The following RAB3C variants were observed in gnomAD, a reference collection of about 807,000 sequenced individuals.
The protein encoded by RAB3C is ras-related protein Rab-3C.
Under a neutral mutation model 26.4 loss-of-function variants are expected in RAB3C, and 17 were observed. The ratio of observed to expected loss-of-function variants is 0.64; its 90% CI spans 0.44 to 0.97. The LOEUF is 0.97. Among genes scored for constraint, RAB3C ranks in the 50% least tolerant of loss-of-function variants. The probability of loss-of-function intolerance (pLI) is 0.00; values close to 1 mark genes in which losing one functional copy is unlikely to be tolerated. For synonymous variants in RAB3C, 91 were observed against 95.9 expected, an observed-to-expected ratio of 0.95 and a Z score of 0.30; for missense variants, 242 against 281.9, an observed-to-expected ratio of 0.86 and a Z score of 1.01.
intron 2 of RAB3C, among the ~76,000 whole-genome samples, chr5:58,710,533 A>C (rs545415782): frequency 6.6e-6 from 1 of 152,004 alleles, no homozygotes; most frequent in East Asian, 1.9e-4. Context: ...TGGGAGGCGG[A>C]GGTTGCAGTG....
chr5:58,745,966 A>G (rs1741394619), intron 3 of RAB3C, among the ~76,000 whole-genome samples: 1 of 152,224 alleles, frequency 6.6e-6, no homozygotes, highest in Admixed American at 6.5e-5. Flanking sequence ...ATCTTATCCT[A>G]CATAAATACC....
chr5:58,617,137 C>A (rs80248658), intron 1 of RAB3C, among the ~76,000 whole-genome samples: 2,696 of 152,036 alleles, frequency 0.018, 75 homozygotes, highest in African/African-American at 0.061. Flanking sequence ...AGACACTGCC[C>A]TTTATGTTAG....
chr5:58,610,449 G>A (rs994485774), intron 1 of RAB3C, among the ~76,000 whole-genome samples: 17 of 151,840 alleles, frequency 1.1e-4, no homozygotes, highest in Admixed American at 3.3e-4. Flanking sequence ...TGTTATAATA[G>A]GTATACAGTG....
chr5:58,849,756 G>C (rs1283886872), intron 4 of RAB3C, among the ~76,000 whole-genome samples: 2 of 152,190 alleles, frequency 1.3e-5, no homozygotes, highest in Admixed American at 1.3e-4. Flanking sequence ...GAACCAAATA[G>C]TATAACGACT....
intron 2 of RAB3C, among the ~76,000 whole-genome samples, chr5:58,628,881 G>C (rs1747124687): frequency 6.6e-6 from 1 of 151,960 alleles, no homozygotes; most frequent in Non-Finnish European, 1.5e-5. Flanking sequence ...TCCTCCAAAA[G>C]ATAAGTCAAT....
intron 2 of RAB3C, among the ~76,000 whole-genome samples, chr5:58,699,449 C>G (rs796347407): frequency 1.2e-4 from 19 of 152,316 alleles, no homozygotes; most frequent in African/African-American, 4.6e-4. Flanking sequence ...AGCAGTCTGT[C>G]TATTCTTAAC....
At chr5:58,777,302 T>C (rs940792234) in intron 3 of RAB3C, among the ~76,000 whole-genome samples, 2 of 152,144 alleles carry the variant, frequency 1.3e-5, no homozygotes, top group Non-Finnish European at 1.5e-5. Flanking sequence ...CTGTATGCTA[T>C]GCACCAAACT....
intron 4 of RAB3C, among the ~76,000 whole-genome samples, chr5:58,849,108 C>T (rs295665): frequency 0.52 from 79,257 of 151,994 alleles, 21,186 homozygotes; most frequent in Middle Eastern, 0.68. Flanking sequence ...TTGATAAAAC[C>T]TTGTGTGGAT....
intron 2 of RAB3C, among the ~76,000 whole-genome samples, chr5:58,711,741 A>T (rs936441998): frequency 6.6e-6 from 1 of 152,162 alleles, no homozygotes; most frequent in Non-Finnish European, 1.5e-5. Flanking sequence ...AACTGATACC[A>T]TGTCAAATAT....
chr5:58,691,979 T>C (rs1354402137), intron 2 of RAB3C, among the ~76,000 whole-genome samples: 2 of 152,204 alleles, frequency 1.3e-5, no homozygotes, highest in Non-Finnish European at 2.9e-5. Context: ...GATCACAGTC[T>C]AGACTTCAGC....
chr5:58,848,254 G>A (rs940792124), intron 4 of RAB3C, among the ~76,000 whole-genome samples: 1 of 152,172 alleles, frequency 6.6e-6, no homozygotes, highest in Non-Finnish European at 1.5e-5. Context: ...AGATATCAGA[G>A]TACTTTTGGA....
intron 2 of RAB3C, among the ~76,000 whole-genome samples, chr5:58,623,265 G>T (rs1285922045): frequency 2.6e-5 from 4 of 152,166 alleles, no homozygotes; most frequent in Non-Finnish European, 5.9e-5. Context: ...GAGTCTAATG[G>T]CATAAATACC....
chr5:58,582,857 G>A (rs1745928869), upstream of RAB3C, among the ~76,000 whole-genome samples: 1 of 152,232 alleles, frequency 6.6e-6, no homozygotes, highest in Non-Finnish European at 1.5e-5. Context: ...GGGAGACTGG[G>A]AGAGGTAACC....
chr5:58,679,555 G>A (rs928525060), intron 2 of RAB3C, among the ~76,000 whole-genome samples: 3 of 152,100 alleles, frequency 2.0e-5, no homozygotes, highest in Non-Finnish European at 4.4e-5. Flanking sequence ...TTTTCCACAT[G>A]GAATGATACA....
chr5:58,632,110 T>C (rs1747194412), intron 2 of RAB3C, among the ~76,000 whole-genome samples: 1 of 152,186 alleles, frequency 6.6e-6, no homozygotes, highest in Non-Finnish European at 1.5e-5. Context: ...TGGGAGGCAC[T>C]CAAGTTTGCA....
At chr5:58,770,869 T>A (rs947509419) in intron 3 of RAB3C, among the ~76,000 whole-genome samples, 1 of 152,192 alleles carries the variant, frequency 6.6e-6, no homozygotes, top group Non-Finnish European at 1.5e-5. Context: ...GATTGGATTC[T>A]GAAACACACA....
At chr5:58,635,440 C>A (rs1297197574) in intron 2 of RAB3C, among the ~76,000 whole-genome samples, 2 of 152,128 alleles carry the variant, frequency 1.3e-5, no homozygotes, top group Admixed American at 1.3e-4. Context: ...TCCAAAAAAA[C>A]CCTTTTTAAA....
intron 3 of RAB3C, among the ~76,000 whole-genome samples, chr5:58,768,641 A>G (rs1741959621): frequency 6.6e-6 from 1 of 151,992 alleles, no homozygotes; most frequent in Admixed American, 6.6e-5. Flanking sequence ...GAAAGAGGGG[A>G]TCATATGAAG....
chr5:58,824,021 C>A (rs1327276022), intron 3 of RAB3C, among the ~76,000 whole-genome samples: 1 of 151,712 alleles, frequency 6.6e-6, no homozygotes, highest in Non-Finnish European at 1.5e-5. Context: ...TGATGATTTC[C>A]AATTTCATCC....
Sources: allele counts gnomAD v4.1 joint callset (sites outside exome capture counted in the v4.1 genomes callset), GRCh38; gene constraint gnomAD v4.1.1; transcripts MANE v1.5; gene names NCBI Gene and HGNC (gene_info 2026-07-23, HGNC 2026-07-21).